The following TRPC4 variants were observed in gnomAD, a reference collection of about 807,000 sequenced individuals.
The protein encoded by TRPC4 is transient receptor potential cation channel subfamily C member 4, also known as short transient receptor potential channel 4.
A neutral mutation model predicts 99.4 loss-of-function variants in TRPC4; 49 were observed. The observed-to-expected ratio is 0.49, with a 90% CI of 0.39 to 0.63. The LOEUF is 0.63. Among genes scored for constraint, TRPC4 ranks in the 20% least tolerant of loss-of-function variants. The pLI is 0.00. For synonymous variants in TRPC4, 454 were observed against 425.9 expected (o/e 1.07, Z -0.81); for missense variants, 898 against 1,152.9 (o/e 0.78, Z 3.20).
chr13:37,752,075 C>A (rs1593659192), intron 2 of TRPC4, among the ~76,000 whole-genome samples: 32 of 73,946 alleles, frequency 4.3e-4, no homozygotes, highest in African/African-American at 1.2e-3. Flanking sequence ...AAGCAGAAAA[C>A]TATATATATA....
At chr13:37,700,844 A>C (rs1954081659) in intron 3 of TRPC4, among the ~76,000 whole-genome samples, 1 of 152,174 alleles carries the variant, frequency 6.6e-6, no homozygotes, top group Admixed American at 6.5e-5. Flanking sequence ...GTTGAGAATA[A>C]GATCACTTCC....
intron 3 of TRPC4, among the ~76,000 whole-genome samples, chr13:37,695,495 C>T (rs1483490516): frequency 6.6e-6 from 1 of 152,168 alleles, no homozygotes; most frequent in African/African-American, 2.4e-5. Flanking sequence ...CGCACCATTC[C>T]AGGACTGGGA....
intron 1 of TRPC4, among the ~76,000 whole-genome samples, chr13:37,839,484 A>C (rs1958670713): frequency 6.6e-6 from 1 of 152,208 alleles, no homozygotes; most frequent in African/African-American, 2.4e-5. Flanking sequence ...CAGTCAATCA[A>C]TTTGGAAACC....
chr13:37,751,273 G>C (rs538324581), intron 2 of TRPC4, among the ~76,000 whole-genome samples: 2 of 152,098 alleles, frequency 1.3e-5, no homozygotes, highest in African/African-American at 4.8e-5. Flanking sequence ...TCTGCATCAG[G>C]GTCTAACGGC....
chr13:37,758,666 A>T (rs1449397070), intron 2 of TRPC4, among the ~76,000 whole-genome samples: 2 of 151,720 alleles, frequency 1.3e-5, no homozygotes, highest in Non-Finnish European at 3.0e-5. Flanking sequence ...GTATTAATAA[A>T]GCTTAATTCG....
intron 1 of TRPC4, among the ~76,000 whole-genome samples, chr13:37,852,613 C>T (rs1959088002): frequency 6.6e-6 from 1 of 152,140 alleles, no homozygotes; most frequent in African/African-American, 2.4e-5. Flanking sequence ...TTTTCTTGCA[C>T]CTTAGGTACC....
At chr13:37,724,960 T>C (rs1177993888) in intron 3 of TRPC4, among the ~76,000 whole-genome samples, 1 of 152,116 alleles carries the variant, frequency 6.6e-6, no homozygotes, top group African/African-American at 2.4e-5. Context: ...ACAAAGACTT[T>C]AAACAAAGAC....
At chr13:37,648,541 A>C (rs1951918130) in intron 8 of TRPC4, among the ~76,000 whole-genome samples, 2 of 152,082 alleles carry the variant, frequency 1.3e-5, no homozygotes, top group African/African-American at 2.4e-5. Flanking sequence ...GTAAAATATT[A>C]ATGGTTAAAA....
At chr13:37,765,976 T>G (rs1357675604) in intron 2 of TRPC4, among the ~76,000 whole-genome samples, 1 of 62,030 alleles carries the variant, frequency 1.6e-5, no homozygotes, top group East Asian at 2.7e-4. Flanking sequence ...AGATGAATCA[T>G]TTTTTTTCCA....
intron 1 of TRPC4, among the ~76,000 whole-genome samples, chr13:37,842,877 A>G: frequency 6.6e-6 from 1 of 152,240 alleles, no homozygotes; most frequent in Non-Finnish European, 1.5e-5. Flanking sequence ...TAAGGATGCT[A>G]TATTTTCCTA....
intron 2 of TRPC4, 143 bp from the exon 3 acceptor site, chr13:37,746,598 T>C (rs1955793943): frequency 1.2e-6 from 1 of 851,714 alleles, no homozygotes. Context: ...AGATATGGTC[T>C]TTTCCCCTAC....
intron 1 of TRPC4, among the ~76,000 whole-genome samples, chr13:37,818,889 G>A (rs9576367): frequency 0.15 from 22,818 of 151,624 alleles, 2,123 homozygotes; most frequent in Non-Finnish European, 0.21. Context: ...ACCATGGCAC[G>A]CGTATACCTA....
At chr13:37,766,388 G>A (rs557339566) in intron 2 of TRPC4, among the ~76,000 whole-genome samples, 13 of 149,352 alleles carry the variant, frequency 8.7e-5, no homozygotes, top group Non-Finnish European at 1.2e-4. Context: ...CGAAATTAAC[G>A]CAAACTTTTA....
At chr13:37,834,477 CA>C (rs973450315) in intron 1 of TRPC4, among the ~76,000 whole-genome samples, 2 of 152,142 alleles carry the variant, frequency 1.3e-5, no homozygotes, top group African/African-American at 4.8e-5. Context: ...CAAGCTATTT[CA>C]AAATTATTTT....
At chr13:37,863,142 A>G (rs1447853969) in intron 1 of TRPC4, among the ~76,000 whole-genome samples, 1 of 151,506 alleles carries the variant, frequency 6.6e-6, no homozygotes, top group Admixed American at 6.6e-5. Context: ...ATGTTCGTGC[A>G]ATGATGAAAT....
chr13:37,689,874 C>T (rs1032184442), intron 4 of TRPC4, among the ~76,000 whole-genome samples: 3 of 152,196 alleles, frequency 2.0e-5, no homozygotes, highest in Non-Finnish European at 2.9e-5. Context: ...ATTTAAGCTT[C>T]ATTAGCAGAA....
chr13:37,651,147 T>C (rs1952032153), intron 8 of TRPC4, 118 bp downstream of exon 8: 2 of 1,112,054 alleles, frequency 1.8e-6, no homozygotes, highest in East Asian at 5.1e-5. Context: ...TAAATGTTCA[T>C]GACATGCAAT....
At chr13:37,769,554 T>G (rs1286029988) in intron 2 of TRPC4, among the ~76,000 whole-genome samples, 1 of 151,518 alleles carries the variant, frequency 6.6e-6, no homozygotes, top group Non-Finnish European at 1.5e-5. Context: ...TAGATTATGT[T>G]TATTCAAACT....
At chr13:37,769,150 C>T (rs888625456) in intron 2 of TRPC4, among the ~76,000 whole-genome samples, 5 of 151,320 alleles carry the variant, frequency 3.3e-5, no homozygotes, top group African/African-American at 1.2e-4. Flanking sequence ...CTATAATCCA[C>T]TGAAAAGTAA....
Sources: allele counts gnomAD v4.1 joint callset (sites outside exome capture counted in the v4.1 genomes callset), GRCh38; gene constraint gnomAD v4.1.1; transcripts MANE v1.5; gene names NCBI Gene and HGNC (gene_info 2026-07-23, HGNC 2026-07-21).